ZNF717: variants seen among roughly 807,000 people sequenced by gnomAD.
The protein encoded by ZNF717 is zinc finger protein 717.
Under a neutral mutation model 13.8 loss-of-function variants are expected in ZNF717, and 9 were observed. The ratio of observed to expected loss-of-function variants is 0.65; its 90% CI spans 0.39 to 1.14. The LOEUF is 1.14. ZNF717 is among the 50% of genes most tolerant of loss of function. The pLI is 0.01. For synonymous variants in ZNF717, 327 were observed against 364.1 expected, an observed-to-expected ratio of 0.90 and a Z score of 1.16; for missense variants, 1,040 against 1,080.7, an observed-to-expected ratio of 0.96 and a Z score of 0.53.
intron 2 of ZNF717, among the ~76,000 whole-genome samples, chr3:75,782,984 G>C (rs1226885029): frequency 6.6e-6 from 1 of 152,236 alleles, no homozygotes; most frequent in African/African-American, 2.4e-5. Context: ...CGAAGGTGGT[G>C]GTTCAGACTT....
chr3:75,743,600 G>C (rs80141813), intron 2 of ZNF717, among the ~76,000 whole-genome samples: 1 of 144,574 alleles, frequency 6.9e-6, no homozygotes, highest in Admixed American at 7.0e-5. Flanking sequence ...AATGGGAAAG[G>C]GCTTAAGGGA....
intron 2 of ZNF717, among the ~76,000 whole-genome samples, chr3:75,756,744 G>A (rs1314649257): frequency 5.3e-5 from 8 of 151,780 alleles, no homozygotes; most frequent in Non-Finnish European, 7.4e-5. Context: ...GCGCGATCTC[G>A]GCTCATCGCA....
intron 2 of ZNF717, among the ~76,000 whole-genome samples, chr3:75,756,502 T>A (rs1488043198): frequency 2.6e-5 from 4 of 152,194 alleles, no homozygotes; most frequent in Non-Finnish European, 4.4e-5. Context: ...TTAGCCAAAT[T>A]GTGAATGCAA....
In ZNF717 at chr3:75,737,248, C is replaced by T. The variant is rs1251919665; in HGVS notation, c.2375G>A (p.Arg792Lys). ...AACTGTCTTATCGTAAAAAGTTTTC[C>T]TACATTCATCACATTCATAGGGTTT... is the stretch of plus-strand genomic sequence containing the variant. ...GEKPYECDEC[R>K]KTFYDKTVLT... Residue 792 changes from arginine to lysine, a missense_variant, in exon 5 of 5, where the codon AGG becomes AAG. By Grantham distance (26) the Arg-to-Lys change is conservative. Coordinates refer to ENST00000652011, the MANE Select transcript of ZNF717 (RefSeq NM_001290208.3). 1.6e-5 allele frequency: 25 copies of T among 1,552,692 alleles called. No individual in the cohort carries two copies. Among genetic ancestry groups the T allele is most frequent in the Non-Finnish European group, 2.2e-5 (25 of 1,147,816 alleles).
At chr3:75,723,631 G>A (rs113173971) in intron 4 of ZNF717, among the ~76,000 whole-genome samples, 7 of 152,308 alleles carry the variant, frequency 4.6e-5, no homozygotes, top group Non-Finnish European at 8.8e-5. Context: ...GAAGGGACAT[G>A]GTGAGAAGTG....
downstream of ZNF717, among the ~76,000 whole-genome samples, chr3:75,733,798 A>AAAAAAAAAAAAAAAAAAG (rs1466437540): frequency 8.4e-6 from 1 of 118,774 alleles, no homozygotes; most frequent in Non-Finnish European, 1.9e-5. Flanking sequence ...AAAAAAAAAA[A>AAAAAAAAAAAAAAAAAAG]AATTACATTC....
At chr3:75,765,382 C>T (rs77488727) in intron 2 of ZNF717, among the ~76,000 whole-genome samples, 10 of 150,532 alleles carry the variant, frequency 6.6e-5, no homozygotes, top group South Asian at 2.1e-4. Context: ...ATGTGTTTGT[C>T]ACCAAAATTC....
rs754775135 is a variant in ZNF717 at position 75,737,592 on chromosome 3, T to C, written c.2031A>G (p.Val677=). The C allele has an allele frequency of 4.5e-6, 7 of 1,544,326 alleles. No homozygotes were observed. In the South Asian group the frequency reaches 8.4e-5, roughly 18 times the overall value. Residue 677 remains valine (V), a synonymous_variant, in exon 5 of 5, where the codon GTA becomes GTG. Coordinates refer to ENST00000652011, the MANE Select transcript of ZNF717 (RefSeq NM_001290208.3). ...RTHTGKNRMD[V]MNVEKLFVRN... ...TGACAAAAAGTTTTTCCACATTCAT[T>C]ACATCCATACGGTTTTTCCCCGTGT...
intron 2 of ZNF717, among the ~76,000 whole-genome samples, chr3:75,757,321 T>C (rs1298071254): frequency 6.6e-6 from 1 of 152,218 alleles, no homozygotes; most frequent in African/African-American, 2.4e-5. Context: ...CTGGTGATGT[T>C]AACTTGAAAC....
At chr3:75,770,589 A>G (rs1298896054) in intron 2 of ZNF717, among the ~76,000 whole-genome samples, 1 of 152,186 alleles carries the variant, frequency 6.6e-6, no homozygotes, top group African/African-American at 2.4e-5. Context: ...AAATAAAAGA[A>G]CAACCAAACA....
In ZNF717 at chr3:75,736,549, G is replaced by C; in HGVS notation, c.*329C>G. On this transcript the variant is annotated 3_prime_UTR_variant, in exon 5 of 5. Coordinates refer to ENST00000652011, the MANE Select transcript of ZNF717 (RefSeq NM_001290208.3). ...ATCAAACCAGCCCCAACATTCCCTTGAGACAAAGCCTAATCCTGAGAAAGG... is the reference window on the plus strand; with the variant it reads ...ATCAAACCAGCCCCAACATTCCCTTCAGACAAAGCCTAATCCTGAGAAAGG... 1 of 283,368 alleles carries C rather than the reference G, an allele frequency of 3.5e-6. No homozygotes were observed. The highest frequency in any genetic ancestry group is 4.6e-5 in the Admixed American group (1 of 21,754). The allele number at this position is 283,368 out of a possible 1,614,324, so 17.6% of individuals were successfully genotyped here.
chr3:75,740,309 A>G (rs80336566), intron 4 of ZNF717, among the ~76,000 whole-genome samples: 10,752 of 87,230 alleles, frequency 0.12, no homozygotes, highest in Middle Eastern at 0.2. Context: ...GGAAATAATT[A>G]GTTTCTTTGG....
chr3:75,713,532 T>C (rs1937986910), intron 5 of ZNF717, among the ~76,000 whole-genome samples: 1 of 152,242 alleles, frequency 6.6e-6, no homozygotes, highest in East Asian at 1.9e-4. Flanking sequence ...CACATATCAG[T>C]ATTATCAGTA....
At chr3:75,762,209 C>G (rs1465747159) in intron 2 of ZNF717, among the ~76,000 whole-genome samples, 1 of 151,240 alleles carries the variant, frequency 6.6e-6, no homozygotes, top group Non-Finnish European at 1.5e-5. Context: ...GAGGCCGAGG[C>G]AGGCAAATCA....
intron 2 of ZNF717, among the ~76,000 whole-genome samples, chr3:75,771,664 A>T (rs375552456): frequency 6.6e-6 from 1 of 152,226 alleles, no homozygotes; most frequent in Non-Finnish European, 1.5e-5. Context: ...AGTGGGGAGG[A>T]GTGGCTGGGG....
intron 2 of ZNF717, among the ~76,000 whole-genome samples, chr3:75,777,977 C>CA (rs1329810570): frequency 2.0e-5 from 3 of 151,030 alleles, no homozygotes; most frequent in Non-Finnish European, 3.0e-5. Context: ...AACCGGAAAC[C>CA]AAAAAAAATG....
At chr3:75,748,271 C>T (rs1290883028) in intron 2 of ZNF717, among the ~76,000 whole-genome samples, 2 of 152,292 alleles carry the variant, frequency 1.3e-5, no homozygotes, top group Non-Finnish European at 2.9e-5. Flanking sequence ...CAAGGATAAG[C>T]TGGTACCATT....
At chr3:75,782,995 G>A (rs201998417) in intron 2 of ZNF717, among the ~76,000 whole-genome samples, 7 of 152,364 alleles carry the variant, frequency 4.6e-5, no homozygotes, top group Admixed American at 6.5e-5. Context: ...GTTCAGACTT[G>A]GTGCACACAA....
At chr3:75,770,463 G>A (rs1943799128) in intron 2 of ZNF717, among the ~76,000 whole-genome samples, 1 of 152,200 alleles carries the variant, frequency 6.6e-6, no homozygotes, top group Non-Finnish European at 1.5e-5. Context: ...AGGAGACTGA[G>A]GCAGGAGAAT....
Sources: allele counts gnomAD v4.1 joint callset (sites outside exome capture counted in the v4.1 genomes callset), GRCh38; gene constraint gnomAD v4.1.1; transcripts MANE v1.5; gene names NCBI Gene and HGNC (gene_info 2026-07-23, HGNC 2026-07-21).